SYT9: variants seen among roughly 807,000 people sequenced by gnomAD.
SYT9 encodes the protein synaptotagmin-9.
SYT9 carries 22 observed loss-of-function variants against 48.4 expected under a neutral mutation model. That is an observed-to-expected ratio of 0.45 (90% confidence interval 0.32 to 0.65). The LOEUF (loss-of-function observed/expected upper bound fraction) is 0.65. SYT9 is among the 30% of genes least tolerant of loss of function. SYT9 has a pLI of 0.03. For synonymous variants in SYT9, 265 were observed against 245.0 expected, an observed-to-expected ratio of 1.08 and a Z score of -0.76; for missense variants, 577 against 622.0, an observed-to-expected ratio of 0.93 and a Z score of 0.77.
chr11:7,270,823 C>G (rs1848279788), intron 1 of SYT9, among the ~76,000 whole-genome samples: 1 of 115,050 alleles, frequency 8.7e-6, no homozygotes, highest in Non-Finnish European at 1.7e-5. Flanking sequence ...TTTAGATGCA[C>G]AAGACACAGA....
chr11:7,275,236 C>T (rs533612430), intron 1 of SYT9, among the ~76,000 whole-genome samples: 1 of 152,220 alleles, frequency 6.6e-6, no homozygotes, highest in Non-Finnish European at 1.5e-5. Context: ...TCTCCCCTCT[C>T]CAAATGGTGT....
At chr11:7,419,659 G>A (rs1435744644) in intron 5 of SYT9, among the ~76,000 whole-genome samples, 1 of 152,148 alleles carries the variant, frequency 6.6e-6, no homozygotes, top group Non-Finnish European at 1.5e-5. Context: ...CACTTTGGGA[G>A]GCTGAGGCAG....
intron 1 of SYT9, among the ~76,000 whole-genome samples, chr11:7,261,232 G>A (rs1363616903): frequency 6.6e-6 from 1 of 152,152 alleles, no homozygotes; most frequent in Non-Finnish European, 1.5e-5. Flanking sequence ...CCTGCCTATT[G>A]AAGACATCTT....
rs114821901 is a variant in SYT9, at chr11:7,404,810, A to G, written c.1045-11232A>G. On this transcript the variant is annotated intron_variant, in intron 3 of 6. Transcript: ENST00000318881. ...AAGGTGGGAAGGAGTTCACCAAACA[A>G]CCTAAGAAAAGGAATGCAAAAGTGC... Among the ~76,000 whole-genome samples, 724 of 152,332 alleles carry G rather than the reference A, an allele frequency of 4.8e-3. 3 individuals are homozygous for G. Among genetic ancestry groups the G allele is most frequent in the African/African-American group, 0.016 (669 of 41,572 alleles).
intron 3 of SYT9, among the ~76,000 whole-genome samples, chr11:7,374,834 G>A (rs1239730717): frequency 6.6e-6 from 1 of 152,062 alleles, no homozygotes; most frequent in Non-Finnish European, 1.5e-5. Context: ...TTTGTCAGAT[G>A]GATAGATTGC....
chr11:7,328,424 T>C (rs1041206382), intron 3 of SYT9, among the ~76,000 whole-genome samples: 37 of 152,284 alleles, frequency 2.4e-4, no homozygotes, highest in Non-Finnish European at 4.4e-4. Context: ...CCTCTGTTTT[T>C]ACTTGTTTAG....
At chr11:7,362,594 A>T (rs1052199561) in intron 3 of SYT9, among the ~76,000 whole-genome samples, 1 of 152,230 alleles carries the variant, frequency 6.6e-6, no homozygotes, top group African/African-American at 2.4e-5. Flanking sequence ...GAAGAATGTT[A>T]GGCTGAAAAA....
chr11:7,246,815 T>C (rs1847798870), intron 1 of SYT9, among the ~76,000 whole-genome samples: 1 of 152,212 alleles, frequency 6.6e-6, no homozygotes, highest in Non-Finnish European at 1.5e-5. Flanking sequence ...AGGTCCAAGT[T>C]CGAGAGGTCC....
chr11:7,263,425 A>G (rs1017937671), intron 1 of SYT9, among the ~76,000 whole-genome samples: 1 of 152,200 alleles, frequency 6.6e-6, no homozygotes, highest in Non-Finnish European at 1.5e-5. Flanking sequence ...TAGCATTATC[A>G]TACTAGGGAT....
At chr11:7,334,637 C>T (rs61891218) in intron 3 of SYT9, among the ~76,000 whole-genome samples, 2 of 131,994 alleles carry the variant, frequency 1.5e-5, no homozygotes, top group Non-Finnish European at 3.3e-5. Context: ...GCCTCCACTC[C>T]CTGCCACCCA....
chr11:7,447,786 C>T (rs927158406), intron 6 of SYT9, among the ~76,000 whole-genome samples: 6 of 152,168 alleles, frequency 3.9e-5, no homozygotes, highest in African/African-American at 1.2e-4. Context: ...TCCCTGAGAA[C>T]AGATACTGTA....
intron 1 of SYT9, among the ~76,000 whole-genome samples, chr11:7,260,262 A>G (rs987932637): frequency 2.0e-5 from 3 of 152,256 alleles, no homozygotes; most frequent in African/African-American, 7.2e-5. Flanking sequence ...CAGTACAGAA[A>G]AAAGAGGAGA....
chr11:7,391,735 TAAAAAAAAAAAAAA>T (rs71059104), intron 3 of SYT9, among the ~76,000 whole-genome samples: 5 of 35,940 alleles, frequency 1.4e-4, no homozygotes, highest in South Asian at 4.3e-3. Flanking sequence ...ACCCCATCTC[TAAAAAAAAAAAAAA>T]AAAAAAAAAA....
rs183230101 is a variant in SYT9 at position 7,257,924 on chromosome 11, G to A, written c.145+5593G>A. ...AAAACAAAAGCAAATTGTAGTAAAG[G>A]CATCACAGGCAGCCCTATGGCCAGC... On this transcript the variant is annotated intron_variant, in intron 1 of 6. Coordinates refer to ENST00000318881, the MANE Select transcript of SYT9 (RefSeq NM_175733.4). 2.1e-3 allele frequency among the ~76,000 whole-genome samples: 326 copies of A among 152,280 alleles called. 1 individual carries two copies. The highest frequency in any genetic ancestry group is 6.1e-3 in the Admixed American group (94 of 15,296).
At chr11:7,360,772 T>A (rs1850119567) in intron 3 of SYT9, among the ~76,000 whole-genome samples, 1 of 152,222 alleles carries the variant, frequency 6.6e-6, no homozygotes, top group South Asian at 2.1e-4. Context: ...TTGGAAAAAT[T>A]CCTTTTTAAA....
chr11:7,300,655 A>G (rs1359896294), intron 1 of SYT9, among the ~76,000 whole-genome samples: 2 of 152,224 alleles, frequency 1.3e-5, no homozygotes, highest in African/African-American at 4.8e-5. Context: ...TTTTGTCTCC[A>G]TTTAGACTAC....
intron 3 of SYT9, among the ~76,000 whole-genome samples, chr11:7,410,576 A>T (rs887898776): frequency 2.6e-5 from 4 of 152,144 alleles, no homozygotes; most frequent in African/African-American, 4.8e-5. Context: ...TGCTGGATTG[A>T]TCCCTTTATC....
intron 3 of SYT9, among the ~76,000 whole-genome samples, chr11:7,391,127 G>A (rs556448625): frequency 1.3e-5 from 2 of 152,130 alleles, no homozygotes; most frequent in South Asian, 2.1e-4. Context: ...GACCTCCAAC[G>A]GCATTTGTGT....
intron 6 of SYT9, chr11:7,454,210 C>T (rs773529272): frequency 1.1e-3 from 1,062 of 985,226 alleles, no homozygotes; most frequent in Non-Finnish European, 1.2e-3. Flanking sequence ...ACTCAAATAC[C>T]CTGAGTCCCC....
Sources: gnomAD v4.1 joint callset for allele counts (sites outside exome capture counted in the v4.1 genomes callset) on GRCh38, gnomAD v4.1.1 for gene constraint, MANE v1.5 for transcripts, NCBI Gene and HGNC (gene_info 2026-07-23, HGNC 2026-07-21) for gene names.